The following DNM1L variants were observed in gnomAD, a reference collection of about 807,000 sequenced individuals.
The protein encoded by DNM1L is dynamin 1L, also known as dynamin-1-like protein.
In DNM1L, 33 loss-of-function variants were observed where a neutral mutation model predicts 92.8. That is an observed-to-expected ratio of 0.36 (90% CI 0.27 to 0.48). The LOEUF (loss-of-function observed/expected upper bound fraction) is 0.48, where lower values mean the gene tolerates loss of function less well. DNM1L is among the 20% of genes least tolerant of loss of function. The probability of loss-of-function intolerance (pLI) is 0.99; values close to 1 mark genes in which losing one functional copy is unlikely to be tolerated. For missense variants in DNM1L, 485 were observed against 888.8 expected (o/e 0.55, Z 5.78); for synonymous variants, 284 against 305.0 (o/e 0.93, Z 0.72).
chr12:32,727,456 G>A (rs1401070151), intron 9 of DNM1L: 2 of 658,964 alleles, frequency 3.0e-6, no homozygotes, highest in Non-Finnish European at 2.8e-6. Context: ...GGGCAGCAGT[G>A]GTGGTGGGGA....
At chr12:32,703,687 G>C (rs1244765329) in intron 2 of DNM1L, among the ~76,000 whole-genome samples, 2 of 151,142 alleles carry the variant, frequency 1.3e-5, no homozygotes, top group Non-Finnish European at 2.9e-5. Context: ...TGAAGGCTTA[G>C]TTACATGACA....
rs1952395478 is a variant in DNM1L, at chr12:32,695,330, A to G, written c.103-6085A>G. 2.0e-5 allele frequency among the ~76,000 whole-genome samples: 3 copies of G among 152,242 alleles called. No individual in the cohort carries two copies. The South Asian group carries it at 6.2e-4, about 31-fold the overall frequency. ...CCCTTAGACAAGGAAATGAAAGCACACCAGAAAGACATACTTAGAAAACAA... is the reference window on the plus strand; with the variant it reads ...CCCTTAGACAAGGAAATGAAAGCACGCCAGAAAGACATACTTAGAAAACAA... On this transcript the variant is annotated intron_variant, in intron 1 of 19. Transcript: ENST00000549701.
At chr12:32,712,672 A>AG (rs1205750491) in intron 5 of DNM1L, among the ~76,000 whole-genome samples, 3,545 of 148,212 alleles carry the variant, frequency 0.024, 101 homozygotes, top group Non-Finnish European at 0.045. Flanking sequence ...AAAAAAAAAA[A>AG]AAAAAAGAAA....
At chr12:32,720,882 C>T in intron 8 of DNM1L, 87 bp downstream of exon 8, 1 of 1,529,562 alleles carries the variant, frequency 6.5e-7, no homozygotes, top group Non-Finnish European at 9.0e-7. Context: ...CTTACATTTT[C>T]ATACTGTTCC....
intron 1 of DNM1L, among the ~76,000 whole-genome samples, chr12:32,694,483 G>T (rs1185845347): frequency 6.6e-6 from 1 of 152,226 alleles, no homozygotes; most frequent in Non-Finnish European, 1.5e-5. Flanking sequence ...ATTCATCCAT[G>T]TTGGAGCGTG....
intron 6 of DNM1L, among the ~76,000 whole-genome samples, chr12:32,717,867 A>ACT (rs1472532296): frequency 1.7e-5 from 2 of 114,628 alleles, no homozygotes; most frequent in African/African-American, 7.0e-5. Context: ...TACTATATAT[A>ACT]GTATATACTA....
rs149785757 is a variant in DNM1L, at chr12:32,744,088, C to T, written c.*678C>T. On this transcript the variant is annotated 3_prime_UTR_variant, in exon 20 of 20. Transcript: ENST00000549701. ...AAATATGCTTTGATTCATACTTAAA[C>T]CTGAAAGCAGGAATGCCTACATTAA... The T allele has an allele frequency of 2.6e-5, 4 of 152,388 alleles. No homozygotes were observed. The highest frequency in any genetic ancestry group is 7.2e-5 in the African/African-American group (3 of 41,554). The allele number at this position is 152,388 out of a possible 1,614,324, so 9.4% of individuals were successfully genotyped here. A position where few individuals can be genotyped will look rare whatever the true frequency, so the allele number is the denominator to read the frequency against.
intron 1 of DNM1L, among the ~76,000 whole-genome samples, chr12:32,685,594 C>T (rs146305991): frequency 0.01 from 1,527 of 150,278 alleles, 32 homozygotes; most frequent in African/African-American, 0.034. Context: ...AACTCCTGAC[C>T]TCAAATGATC....
chr12:32,681,424 A>C (rs1312944550), intron 1 of DNM1L, among the ~76,000 whole-genome samples: 1 of 152,066 alleles, frequency 6.6e-6, no homozygotes, highest in Admixed American at 6.5e-5. Flanking sequence ...GGTGGTGCGA[A>C]CCTGTAGTCC....
At chr12:32,727,991 C>T (rs1364793150) in intron 9 of DNM1L, among the ~76,000 whole-genome samples, 1 of 152,162 alleles carries the variant, frequency 6.6e-6, no homozygotes, top group Non-Finnish European at 1.5e-5. Context: ...CCAGCAAGAA[C>T]ATCCATTTCT....
rs143986417 is a variant in DNM1L at position 32,694,308 on chromosome 12, A to G, written c.103-7107A>G. On this transcript the variant is annotated intron_variant, in intron 1 of 19. Transcript: ENST00000549701. ...ACCATGTTGGCCAGGTTGGTCTCGA[A>G]CTCCTGACCTTGTGATCCGCCTGCC... is the stretch of plus-strand genomic sequence containing the variant. Among the ~76,000 whole-genome samples, 1,421 of 151,080 alleles carry G rather than the reference A, an allele frequency of 9.4e-3. 18 individuals carry two copies. Among genetic ancestry groups the G allele is most frequent in the African/African-American group, 0.032 (1,336 of 41,198 alleles).
rs1392718480 is a variant in DNM1L at position 32,743,833 on chromosome 12, TA to T, written c.*424del. ...TCATATGACTATAATGCATGTACTA[TA>T]TAAGCTGATCTGGCTTTGAAAGATG... On this transcript the variant is annotated 3_prime_UTR_variant, in exon 20 of 20. Transcript: ENST00000549701. 2 of 171,000 alleles carry T rather than the reference TA, an allele frequency of 1.2e-5. No individual in the cohort carries two copies. The highest frequency in any genetic ancestry group is 4.8e-5 in the African/African-American group (2 of 41,942). 10.6% of individuals were successfully genotyped at this position (171,000 alleles called of 1,614,324 possible).
At chr12:32,690,897 T>C (rs1291713637) in intron 1 of DNM1L, among the ~76,000 whole-genome samples, 1 of 152,242 alleles carries the variant, frequency 6.6e-6, no homozygotes, top group Non-Finnish European at 1.5e-5. Context: ...AAAATCACTT[T>C]ACTGAAGTAT....
intron 3 of DNM1L, among the ~76,000 whole-genome samples, 164 bp downstream of exon 3, chr12:32,707,577 T>C (rs1952975427): frequency 6.6e-6 from 1 of 152,206 alleles, no homozygotes; most frequent in African/African-American, 2.4e-5. Context: ...CAATTGTTTA[T>C]TGGAAAACAC....
At chr12:32,706,664 C>T (rs1321432659) in intron 2 of DNM1L, 1 of 455,238 alleles carries the variant, frequency 2.2e-6, no homozygotes. Flanking sequence ...TCCTTTTCTT[C>T]CATTTTATTT....
intron 2 of DNM1L, chr12:32,706,810 TACAGGTAACCA>T (rs1952945571): frequency 2.5e-6 from 1 of 405,810 alleles, no homozygotes; most frequent in Non-Finnish European, 4.8e-6. Context: ...GTTGTGGCTC[TACAGGTAACCA>T]ACAGGAAACC....
intron 9 of DNM1L, among the ~76,000 whole-genome samples, chr12:32,729,370 C>T (rs1954388192): frequency 1.3e-5 from 2 of 151,976 alleles, no homozygotes; most frequent in South Asian, 2.1e-4. Context: ...CATGAGCCAC[C>T]GCGCCCAGCC....
intron 13 of DNM1L, 68 bp from the exon 14 acceptor site, chr12:32,737,037 G>C: frequency 6.4e-7 from 1 of 1,553,448 alleles, no homozygotes; most frequent in Non-Finnish European, 8.8e-7. Flanking sequence ...CAATTAACAT[G>C]AACATTTTTT....
At chr12:32,690,787 G>A (rs1311283668) in intron 1 of DNM1L, among the ~76,000 whole-genome samples, 1 of 152,094 alleles carries the variant, frequency 6.6e-6, no homozygotes, top group Non-Finnish European at 1.5e-5. Context: ...TGATTAAAAT[G>A]GCTGTACATT....
Sources: allele counts gnomAD v4.1 joint callset (sites outside exome capture counted in the v4.1 genomes callset), GRCh38; gene constraint gnomAD v4.1.1; transcripts MANE v1.5; gene names NCBI Gene and HGNC (gene_info 2026-07-23, HGNC 2026-07-21).